The following NOMO2 variants were observed in gnomAD, a reference collection of about 807,000 sequenced individuals.
The protein encoded by NOMO2 is BOS complex subunit NOMO2.
NOMO2 carries 14 observed loss-of-function variants against 67.1 expected under a neutral mutation model. The observed-to-expected ratio is 0.21, with a 90% CI of 0.14 to 0.33. NOMO2 has a LOEUF of 0.33. Among genes scored for constraint, NOMO2 ranks in the 10% least tolerant of loss-of-function variants. The probability of loss-of-function intolerance (pLI) is 1.00; values close to 1 mark genes in which losing one functional copy is unlikely to be tolerated. For missense variants in NOMO2, 178 were observed against 761.0 expected (o/e 0.23, Z 9.01); for synonymous variants, 80 against 305.9 (o/e 0.26, Z 7.71).
At chr16:18,525,780 G>A (rs1315215752) in intron 16 of NOMO2, among the ~76,000 whole-genome samples, 3 of 151,696 alleles carry the variant, frequency 2.0e-5, no homozygotes, top group Non-Finnish European at 4.4e-5. Flanking sequence ...TAGCTTACTG[G>A]AGGAGGGGGC....
chr16:18,554,382 G>T (rs1008427949), intron 3 of NOMO2, among the ~76,000 whole-genome samples: 5 of 151,784 alleles, frequency 3.3e-5, no homozygotes, highest in Admixed American at 2.0e-4. Context: ...CATCTCATGG[G>T]ACATAAATCT....
In NOMO2 at chr16:18,561,897, C is replaced by T. The variant is rs1230629054; in HGVS notation, c.144G>A (p.Glu48=). The change falls in exon 1 of 31, where the codon GAG becomes GAA. Residue 48 remains glutamate, a synonymous_variant. Coordinates refer to ENST00000622306, the MANE Select transcript of NOMO2 (RefSeq NM_173614.4). ...GCGGFVKSDV[E]INYSLIEIKL... ...TCACCTCGATGAGCGAGTAGTTGAT[C>T]TCCACGTCCGACTTGACGAAGCCAC... is the stretch of plus-strand genomic sequence containing the variant. The T allele has an allele frequency of 1.3e-6, 2 of 1,569,220 alleles. No homozygotes were observed. The highest frequency in any genetic ancestry group is 3.8e-5 in the Admixed American group (2 of 52,940).
chr16:18,554,276 T>A (rs554439765), intron 3 of NOMO2, among the ~76,000 whole-genome samples: 1,867 of 146,616 alleles, frequency 0.013, no homozygotes, highest in African/African-American at 0.018. Context: ...AGGGACTATA[T>A]CTACCCTTGC....
intron 3 of NOMO2, among the ~76,000 whole-genome samples, chr16:18,551,961 T>G (rs891792562): frequency 5.3e-5 from 8 of 151,574 alleles, no homozygotes; most frequent in Non-Finnish European, 8.8e-5. Flanking sequence ...TGCAATTTAC[T>G]GAGGGGTAAA....
chr16:18,556,967 A>T (rs1009175281), intron 2 of NOMO2, among the ~76,000 whole-genome samples: 1 of 151,946 alleles, frequency 6.6e-6, no homozygotes, highest in African/African-American at 2.4e-5. Context: ...CACTATTAAA[A>T]ATACAAAACA....
chr16:18,561,173 TAAAAAAAAAAAAAAAAA>T (rs756246897), intron 1 of NOMO2, among the ~76,000 whole-genome samples: 179 of 32,380 alleles, frequency 5.5e-3, no homozygotes, highest in Middle Eastern at 0.031. Flanking sequence ...ACAACTTAAT[TAAAAAAAAAAAAAAAAA>T]AAAAAAAAAA....
chr16:18,558,450 AT>A (rs1462887192), intron 1 of NOMO2, among the ~76,000 whole-genome samples: 20 of 141,218 alleles, frequency 1.4e-4, no homozygotes, highest in Non-Finnish European at 2.8e-4. Flanking sequence ...ATAAAAAAAA[AT>A]AAAGTAAAAT....
chr16:18,561,194 A>AAAAAAAAAAAAAAC (rs1902039310), intron 1 of NOMO2, among the ~76,000 whole-genome samples: 11 of 137,172 alleles, frequency 8.0e-5, no homozygotes, highest in Admixed American at 2.3e-4. Flanking sequence ...AAAAAAAAAA[A>AAAAAAAAAAAAAAC]AAAAAAAAAA....
In NOMO2 at chr16:18,531,645, G is replaced by A. The variant is rs755507745; in HGVS notation, c.1396-38C>T. 3.0e-5 allele frequency: 48 copies of A among 1,610,658 alleles called. 1 individual carries two copies. Among genetic ancestry groups the A allele is most frequent in the Middle Eastern group, 3.3e-4 (2 of 6,068 alleles). On this transcript the variant is annotated intron_variant, in intron 12 of 30. Coordinates refer to ENST00000622306, the MANE Select transcript of NOMO2 (RefSeq NM_173614.4). ...GGATGGAACGTTAGAGGCTGCATTCGGGGAGATCTTCCCCCTGACCTACAG... is the reference window on the plus strand; with the variant it reads ...GGATGGAACGTTAGAGGCTGCATTCAGGGAGATCTTCCCCCTGACCTACAG...
intron 15 of NOMO2, among the ~76,000 whole-genome samples, chr16:18,529,066 A>G (rs1283103385): frequency 3.3e-5 from 4 of 122,648 alleles, no homozygotes; most frequent in African/African-American, 1.2e-4. Context: ...TTGGCAGTAC[A>G]GAGCGGTGTA....
At chr16:18,539,442 G>A (rs1281647578) in intron 9 of NOMO2, among the ~76,000 whole-genome samples, 3 of 151,572 alleles carry the variant, frequency 2.0e-5, no homozygotes, top group African/African-American at 7.2e-5. Flanking sequence ...TTTCCACCAC[G>A]ACCTGAACAC....
chr16:18,530,687 C>T (rs1901276027), intron 14 of NOMO2, among the ~76,000 whole-genome samples: 1 of 145,818 alleles, frequency 6.9e-6, no homozygotes, highest in Non-Finnish European at 1.5e-5. Flanking sequence ...AGGTCAAGTA[C>T]CTTGCCATGG....
intron 4 of NOMO2, among the ~76,000 whole-genome samples, chr16:18,550,721 T>G (rs1484472521): frequency 2.0e-5 from 3 of 152,068 alleles, no homozygotes; most frequent in Non-Finnish European, 4.4e-5. Context: ...ATAGGAATCC[T>G]CCTAGGTAAG....
chr16:18,535,819 C>T (rs1374366751), intron 11 of NOMO2, among the ~76,000 whole-genome samples: 3 of 151,740 alleles, frequency 2.0e-5, no homozygotes, highest in South Asian at 2.1e-4. Flanking sequence ...TTTTCTGAGA[C>T]GGAATCTCAC....
intron 11 of NOMO2, among the ~76,000 whole-genome samples, chr16:18,536,828 G>C (rs1042932969): frequency 1.3e-4 from 20 of 152,184 alleles, no homozygotes; most frequent in Middle Eastern, 3.4e-3. Flanking sequence ...ACTTTCTGAG[G>C]GTAATTTGCT....
At chr16:18,556,880 C>A (rs547118714) in intron 2 of NOMO2, among the ~76,000 whole-genome samples, 5 of 152,082 alleles carry the variant, frequency 3.3e-5, no homozygotes, top group African/African-American at 9.6e-5. Context: ...AATCCCAGCA[C>A]TTTGGGAGGC....
intron 3 of NOMO2, among the ~76,000 whole-genome samples, chr16:18,553,272 G>GA (rs1444561055): frequency 6.7e-6 from 1 of 150,302 alleles, no homozygotes; most frequent in Non-Finnish European, 1.5e-5. Context: ...TCAAAAAAAA[G>GA]AAAAAAATAA....
At chr16:18,548,090 T>C (rs1285243248) in intron 5 of NOMO2, among the ~76,000 whole-genome samples, 1 of 125,354 alleles carries the variant, frequency 8.0e-6, no homozygotes, top group African/African-American at 2.5e-5. Flanking sequence ...GTATCAAATC[T>C]TGCCTGCAAT....
At chr16:18,533,205 A>G (rs1415769060) in intron 11 of NOMO2, 26 bp from the exon 12 acceptor site, 1 of 1,608,810 alleles carries the variant, frequency 6.2e-7, no homozygotes, top group African/African-American at 1.3e-5. Flanking sequence ...CATTCATTCC[A>G]GCACGAGGAC....
Sources: gnomAD v4.1 joint callset for allele counts (sites outside exome capture counted in the v4.1 genomes callset) on GRCh38, gnomAD v4.1.1 for gene constraint, MANE v1.5 for transcripts, NCBI Gene and HGNC (gene_info 2026-07-23, HGNC 2026-07-21) for gene names.